The following RPS6KC1 variants were observed in gnomAD, a reference collection of about 807,000 sequenced individuals.
RPS6KC1 encodes the protein ribosomal protein S6 kinase C1.
RPS6KC1 carries 54 observed loss-of-function variants against 103.8 expected under a neutral mutation model. The ratio of observed to expected loss-of-function variants is 0.52; its 90% CI spans 0.42 to 0.65. RPS6KC1 has a LOEUF of 0.65. Among genes scored for constraint, RPS6KC1 ranks in the 30% least tolerant of loss-of-function variants. The pLI is 0.00. For missense variants in RPS6KC1, 1,151 were observed against 1,253.8 expected (o/e 0.92, Z 1.24); for synonymous variants, 439 against 438.7 (o/e 1.00, Z -0.01).
intron 7 of RPS6KC1, among the ~76,000 whole-genome samples, chr1:213,171,640 A>C: frequency 6.6e-6 from 1 of 152,218 alleles, no homozygotes; most frequent in East Asian, 1.9e-4. Flanking sequence ...GATTTTGAGT[A>C]CAACTGATAT....
the RPS6KC1 span, among the ~76,000 whole-genome samples, chr1:213,359,819 T>G: frequency 6.6e-6 from 1 of 152,220 alleles, no homozygotes; most frequent in East Asian, 1.9e-4. Flanking sequence ...CTTATGAAAC[T>G]TAGTTTGGCT....
the RPS6KC1 span, among the ~76,000 whole-genome samples, chr1:213,308,933 G>GAACTGTTCCAGTCATGGGC: frequency 6.6e-6 from 1 of 152,192 alleles, no homozygotes; most frequent in Non-Finnish European, 1.5e-5. Flanking sequence ...AGTGATTAGA[G>GAACTGTTCCAGTCATGGGC]AACTGTTCCA....
At chr1:213,441,493 C>G in the RPS6KC1 span, among the ~76,000 whole-genome samples, 1 of 152,194 alleles carries the variant, frequency 6.6e-6, no homozygotes, top group Non-Finnish European at 1.5e-5. Flanking sequence ...TTTCTAATGT[C>G]ATTCACATTG....
chr1:213,635,620 A>C, the RPS6KC1 span, among the ~76,000 whole-genome samples: 2 of 152,214 alleles, frequency 1.3e-5, no homozygotes, highest in East Asian at 1.9e-4. Context: ...AATGTATCTC[A>C]AAATAATAAG....
the RPS6KC1 span, among the ~76,000 whole-genome samples, chr1:213,858,817 A>G: frequency 2.0e-5 from 3 of 152,188 alleles, no homozygotes; most frequent in African/African-American, 7.2e-5. Context: ...GGAAATGCAA[A>G]CATGCCCCCT....
chr1:213,523,662 T>C, the RPS6KC1 span, among the ~76,000 whole-genome samples: 1 of 152,214 alleles, frequency 6.6e-6, no homozygotes, highest in Non-Finnish European at 1.5e-5. Flanking sequence ...TATTTTTTAT[T>C]ATTGGTTTCA....
the RPS6KC1 span, among the ~76,000 whole-genome samples, chr1:213,633,516 C>A: frequency 6.6e-6 from 1 of 152,042 alleles, no homozygotes; most frequent in Admixed American, 6.5e-5. Flanking sequence ...TTTGTCACCA[C>A]CAGGCCTGCC....
chr1:213,390,547 G>T, the RPS6KC1 span, among the ~76,000 whole-genome samples: 1 of 152,200 alleles, frequency 6.6e-6, no homozygotes, highest in Non-Finnish European at 1.5e-5. Flanking sequence ...TTTGCTATTT[G>T]CAAAACTCTG....
At chr1:213,725,627 T>A in the RPS6KC1 span, among the ~76,000 whole-genome samples, 2 of 152,162 alleles carry the variant, frequency 1.3e-5, no homozygotes, top group African/African-American at 4.8e-5. Flanking sequence ...GGGGACAGTA[T>A]CCTCTTTTGC....
the RPS6KC1 span, among the ~76,000 whole-genome samples, chr1:213,772,755 C>T: frequency 2.6e-5 from 4 of 152,078 alleles, no homozygotes; most frequent in South Asian, 2.1e-4. Flanking sequence ...GGCAGGGCTC[C>T]GGGACATCTT....
intron 2 of RPS6KC1, among the ~76,000 whole-genome samples, chr1:213,077,325 T>C (rs529439751): frequency 1.4e-3 from 208 of 152,336 alleles, no homozygotes; most frequent in African/African-American, 4.9e-3. Flanking sequence ...TTTGAAGAGA[T>C]GAAGTGACAT....
the RPS6KC1 span, chr1:213,821,857 T>C: frequency 6.6e-6 from 1 of 152,242 alleles, no homozygotes; most frequent in Non-Finnish European, 1.5e-5. Context: ...GAAATGTGGC[T>C]TCAGACAAGA....
the RPS6KC1 span, among the ~76,000 whole-genome samples, chr1:213,427,420 T>C: frequency 7.2e-5 from 11 of 152,186 alleles, no homozygotes; most frequent in Admixed American, 7.2e-4. Context: ...GATCTTTTCC[T>C]TTTTGCTTTG....
Position 213,119,469 on chromosome 1 carries a change from T to TG in RPS6KC1, c.472+2059_472+2060insG, listed in dbSNP as rs2084115651. 6.6e-4 allele frequency among the ~76,000 whole-genome samples: 9 copies of TG among 13,708 alleles called. No homozygotes were observed. In the South Asian group the frequency reaches 0.025, roughly 38 times the overall value. The allele number at this position is 13,708 out of a possible 152,430, so 9.0% of individuals were successfully genotyped here. A position where few individuals can be genotyped will look rare whatever the true frequency, so the allele number is the denominator to read the frequency against. On this transcript the variant is annotated intron_variant, in intron 5 of 14. Coordinates refer to ENST00000366960, the MANE Select transcript of RPS6KC1 (RefSeq NM_012424.6). Reference sequence around the variant, plus strand: ...ATATATATATATATATATATATATATATATATATATATATATATATATATA... The same window carrying TG: ...ATATATATATATATATATATATATATGATATATATATATATATATATATATA...
intron 4 of RPS6KC1, 138 bp from the exon 5 acceptor site, chr1:213,117,179 C>A: frequency 7.4e-5 from 34 of 458,800 alleles, no homozygotes; most frequent in East Asian, 1.9e-4. Context: ...TTTTTGAAAA[C>A]ACTTGTCATC....
the RPS6KC1 span, among the ~76,000 whole-genome samples, chr1:213,814,735 T>C: frequency 6.6e-6 from 1 of 152,222 alleles, no homozygotes. Context: ...CTAGAATTTG[T>C]GAGCTTCATT....
At chr1:213,815,211 T>C in the RPS6KC1 span, among the ~76,000 whole-genome samples, 1 of 152,180 alleles carries the variant, frequency 6.6e-6, no homozygotes, top group Non-Finnish European at 1.5e-5. Context: ...TTACTTCCCC[T>C]TCCACCATGA....
the RPS6KC1 span, among the ~76,000 whole-genome samples, chr1:213,514,827 G>C: frequency 0.012 from 1,891 of 152,234 alleles, 38 homozygotes; most frequent in African/African-American, 0.042. Flanking sequence ...AATGGTTGAA[G>C]TAGTTTACAG....
chr1:213,223,096 A>G (rs2093874699), intron 8 of RPS6KC1, among the ~76,000 whole-genome samples: 1 of 152,198 alleles, frequency 6.6e-6, no homozygotes, highest in Non-Finnish European at 1.5e-5. Context: ...TATGTGAATT[A>G]CGGGGAGCAT....
Sources: allele counts gnomAD v4.1 joint callset (sites outside exome capture counted in the v4.1 genomes callset), GRCh38; gene constraint gnomAD v4.1.1; transcripts MANE v1.5; gene names NCBI Gene and HGNC (gene_info 2026-07-23, HGNC 2026-07-21).